PHGR1: variants seen among roughly 807,000 people sequenced by gnomAD.
PHGR1 encodes proline, histidine and glycine rich 1.
PHGR1 carries 3 observed loss-of-function variants against 4.9 expected under a neutral mutation model. That is an observed-to-expected ratio of 0.61 (90% CI 0.28 to 1.58). The LOEUF is 1.58. Ranked by LOEUF, PHGR1 falls within the 40% of genes most tolerant of loss-of-function variation. The pLI, the probability that PHGR1 is intolerant of heterozygous loss-of-function variation, is 0.11. For missense variants in PHGR1, 81 were observed against 118.7 expected, an observed-to-expected ratio of 0.68 and a Z score of 1.48; for synonymous variants, 32 against 46.1, an observed-to-expected ratio of 0.69 and a Z score of 1.24.
chr15:40,353,614 G>A (rs552442786), intron 2 of PHGR1: 9 of 300,060 alleles, frequency 3.0e-5, no homozygotes, highest in Non-Finnish European at 5.1e-5. Flanking sequence ...CTTGGGAGCT[G>A]TGCCATCGGC....
chr15:40,352,963 A>G (rs1181752584), intron 1 of PHGR1, among the ~76,000 whole-genome samples: 1 of 152,140 alleles, frequency 6.6e-6, no homozygotes, highest in African/African-American at 2.4e-5. Flanking sequence ...GGGCTGGTAC[A>G]TGGTGCTGTT....
intron 2 of PHGR1, 68 bp downstream of exon 2, chr15:40,353,335 G>A: frequency 5.8e-6 from 9 of 1,546,888 alleles, no homozygotes; most frequent in Non-Finnish European, 7.9e-6. Flanking sequence ...TAAAGGCAGG[G>A]ACTATCAGTC....
chr15:40,351,521 A>C (rs563116168), intron 1 of PHGR1, among the ~76,000 whole-genome samples: 11 of 152,170 alleles, frequency 7.2e-5, no homozygotes, highest in African/African-American at 2.7e-4. Context: ...ATCACTCACT[A>C]AGGGAAAGGA....
At chr15:40,354,421 C>T (rs1889257308) in intron 3 of PHGR1, 69 bp downstream of exon 3, 1 of 1,466,070 alleles carries the variant, frequency 6.8e-7, no homozygotes. Context: ...CCCTAGCCTC[C>T]TTCCTAGACC....
chr15:40,352,623 T>C (rs1233769511), intron 1 of PHGR1, among the ~76,000 whole-genome samples: 3 of 152,144 alleles, frequency 2.0e-5, no homozygotes, highest in African/African-American at 7.2e-5. Flanking sequence ...TAGGACCCCA[T>C]GGAAGGCTTT....
intron 3 of PHGR1, among the ~76,000 whole-genome samples, chr15:40,355,184 C>A (rs907283963): frequency 1.5e-4 from 22 of 142,342 alleles, no homozygotes; most frequent in African/African-American, 5.2e-4. Context: ...AAAAAAAAAA[C>A]AAAAAACTCC....
In PHGR1 at chr15:40,352,924, G is replaced by C. The variant is rs531519935; in HGVS notation, c.-26-308G>C. On this transcript the variant is annotated intron_variant, in intron 1 of 3. Coordinates refer to ENST00000448599, the MANE Select transcript of PHGR1 (RefSeq NM_001145643.2). ...ATTAACACACAATTGTTGAGTCTAG[G>C]GGGGCAAGTGTAAGAGTATGGGGTG... Among the ~76,000 whole-genome samples the C allele has an allele frequency of 3.9e-5, 6 of 152,294 alleles. No individual in the cohort carries two copies. In the South Asian group the frequency reaches 1.2e-3, roughly 32 times the overall value.
At chr15:40,352,256 GCT>G (rs780016053) in intron 1 of PHGR1, among the ~76,000 whole-genome samples, 7 of 152,136 alleles carry the variant, frequency 4.6e-5, no homozygotes, top group Non-Finnish European at 1.0e-4. Flanking sequence ...GGTTCAGGGG[GCT>G]GTGTCTTGCA....
chr15:40,352,527 C>T (rs1004843728), intron 1 of PHGR1, among the ~76,000 whole-genome samples: 1 of 152,202 alleles, frequency 6.6e-6, no homozygotes, highest in Non-Finnish European at 1.5e-5. Context: ...CATGACAGCA[C>T]GGCTTGTTGG....
At chr15:40,351,855 GC>G (rs1889211287) in intron 1 of PHGR1, among the ~76,000 whole-genome samples, 1 of 152,116 alleles carries the variant, frequency 6.6e-6, no homozygotes, top group Non-Finnish European at 1.5e-5. Flanking sequence ...TTCTGTCTCA[GC>G]CTCCCAAGTA....
At chr15:40,354,139 T>A (rs963998066) in intron 2 of PHGR1, among the ~76,000 whole-genome samples, 25 of 152,190 alleles carry the variant, frequency 1.6e-4, no homozygotes. Context: ...GACACACTGC[T>A]GAACCTTATA....
At chr15:40,353,110 G>GGGGTGTGTGTGTGTGTGTGT (rs1889230733) in intron 1 of PHGR1, 122 bp from the exon 2 acceptor site, 1 of 536,766 alleles carries the variant, frequency 1.9e-6, no homozygotes, top group African/African-American at 2.1e-5. Flanking sequence ...TCCTTTGAAG[G>GGGGTGTGTGTGTGTGTGTGT]GTGTGTGTGT....
At chr15:40,352,979 T>G (rs1019787792) in intron 1 of PHGR1, among the ~76,000 whole-genome samples, 1 of 152,160 alleles carries the variant, frequency 6.6e-6, no homozygotes, top group Non-Finnish European at 1.5e-5. Flanking sequence ...CTGTTGTGTC[T>G]CCATCTACCC....
At chr15:40,354,191 G>T (rs1889252514) in intron 2 of PHGR1, among the ~76,000 whole-genome samples, 154 bp from the exon 3 acceptor site, 1 of 152,230 alleles carries the variant, frequency 6.6e-6, no homozygotes, top group Non-Finnish European at 1.5e-5. Flanking sequence ...ATGAATGAAG[G>T]AATGATTGTC....
At chr15:40,354,683 C>T (rs1889262268) in intron 3 of PHGR1, among the ~76,000 whole-genome samples, 1 of 152,180 alleles carries the variant, frequency 6.6e-6, no homozygotes, top group Admixed American at 6.5e-5. Context: ...TTCCTGGCTA[C>T]CCCCACAGCC....
chr15:40,353,711 G>C, intron 2 of PHGR1: 1 of 202,016 alleles, frequency 5.0e-6, no homozygotes, highest in Non-Finnish European at 1.0e-5. Context: ...GAACATGCAG[G>C]ACCACTCAGG....
chr15:40,353,454 A>G lies in PHGR1; in HGVS notation c.10+187A>G, dbSNP rs892544405. On this transcript the variant is annotated intron_variant, in intron 2 of 3. Coordinates refer to ENST00000448599, the MANE Select transcript of PHGR1 (RefSeq NM_001145643.2). ...CCTTACATACTGTAGAACATGTTAC[A>G]GTTTAAAAAGCATGCTTACTCATCA... 25 of 710,452 alleles carry G rather than the reference A, an allele frequency of 3.5e-5. No homozygotes were observed. The African/African-American group carries it at 4.0e-4, about 11-fold the overall frequency. The allele number at this position is 710,452 out of a possible 1,614,324, so 44.0% of individuals were successfully genotyped here. A position where few individuals can be genotyped will look rare whatever the true frequency, so the allele number is the denominator to read the frequency against.
chr15:40,353,497 A>G lies in PHGR1; in HGVS notation c.10+230A>G, dbSNP rs142518683. 352 of 560,752 alleles carry G rather than the reference A, an allele frequency of 6.3e-4. 1 individual carries two copies. In the East Asian group the frequency reaches 0.011, roughly 17 times the overall value. 34.7% of individuals were successfully genotyped at this position (560,752 alleles called of 1,614,324 possible). Reference sequence around the variant, plus strand: ...ACTCATCATGTTCTTAGGTGCTTCTAAGGGTAGGTGCTTCTCCCACCGCAC... The same window carrying G: ...ACTCATCATGTTCTTAGGTGCTTCTGAGGGTAGGTGCTTCTCCCACCGCAC... On this transcript the variant is annotated intron_variant, in intron 2 of 3. Transcript: ENST00000448599.
intron 1 of PHGR1, among the ~76,000 whole-genome samples, chr15:40,351,493 T>C (rs938549882): frequency 7.2e-5 from 11 of 152,160 alleles, no homozygotes; most frequent in African/African-American, 2.4e-4. Flanking sequence ...CCCAGCCCCA[T>C]AGGTCTCTTC....
Sources: gnomAD v4.1 joint callset for allele counts (sites outside exome capture counted in the v4.1 genomes callset) on GRCh38, gnomAD v4.1.1 for gene constraint, MANE v1.5 for transcripts, NCBI Gene and HGNC (gene_info 2026-07-23, HGNC 2026-07-21) for gene names.